Variants in EFHC2 observed in about 807,000 individuals in gnomAD.
EFHC2 encodes the protein EF-hand domain containing 2.
A neutral mutation model predicts 52.7 loss-of-function variants in EFHC2; 18 were observed. That is an observed-to-expected ratio of 0.34 (90% CI 0.24 to 0.51). EFHC2 has a LOEUF of 0.51. EFHC2 is among the 20% of genes least tolerant of loss of function. EFHC2 has a pLI of 0.97. For synonymous variants in EFHC2, 203 were observed against 204.1 expected (o/e 0.99, Z 0.04); for missense variants, 513 against 562.5 (o/e 0.91, Z 0.89).
At chrX:44,267,234 TATA>T (rs1295957425) in intron 3 of EFHC2, among the ~76,000 whole-genome samples, 1 of 112,216 alleles carries the variant, frequency 8.9e-6, no homozygotes, top group East Asian at 2.8e-4. Context: ...CTTGGCTTGA[TATA>T]ATGTTGTTTT....
chrX:44,277,274 A>AG (rs2037667000), intron 2 of EFHC2, among the ~76,000 whole-genome samples: 1 of 107,520 alleles, frequency 9.3e-6, no homozygotes, highest in African/African-American at 3.4e-5. Context: ...AAAAAAAAAA[A>AG]AAAAAAATCT....
chrX:44,153,659 G>A lies in EFHC2; in HGVS notation c.2149-4763C>T, dbSNP rs377132390. On this transcript the variant is annotated intron_variant, in intron 14 of 14. Transcript: ENST00000420999. ...GGGTGAGGGGCATCAATTAAGTAGA[G>A]GGAAAGGCACTTTCTTCATAATTTT... is the stretch of plus-strand genomic sequence containing the variant. 9.0e-5 allele frequency among the ~76,000 whole-genome samples: 10 copies of A among 111,567 alleles called. No homozygotes were observed. In the East Asian group the frequency reaches 2.3e-3, roughly 25 times the overall value.
intron 14 of EFHC2, among the ~76,000 whole-genome samples, chrX:44,158,755 A>T (rs1286829620): frequency 9.0e-6 from 1 of 111,261 alleles, no homozygotes; most frequent in Non-Finnish European, 1.9e-5. Context: ...TCAGTTCCCT[A>T]CCATGAATAG....
chrX:44,198,207 A>T (rs764007800), intron 11 of EFHC2, among the ~76,000 whole-genome samples: 21 of 111,543 alleles, frequency 1.9e-4, no homozygotes, highest in Non-Finnish European at 3.8e-4. Flanking sequence ...TCCTTTTTCC[A>T]CTCTTTAGAA....
intron 11 of EFHC2, among the ~76,000 whole-genome samples, chrX:44,184,580 G>A (rs370252600): frequency 6.3e-5 from 7 of 110,892 alleles, no homozygotes; most frequent in East Asian, 5.7e-4. Context: ...AAAATTAGTC[G>A]GGCATGGTGG....
At chrX:44,165,614 A>C (rs1299538879) in intron 13 of EFHC2, among the ~76,000 whole-genome samples, 1 of 111,982 alleles carries the variant, frequency 8.9e-6, no homozygotes, top group Non-Finnish European at 1.9e-5. Context: ...GTATTTCCTA[A>C]TATCCTGAGT....
chrX:44,206,290 T>C (rs1320822300), intron 11 of EFHC2, among the ~76,000 whole-genome samples: 1 of 111,846 alleles, frequency 8.9e-6, no homozygotes, highest in East Asian at 2.8e-4. Context: ...TTTCCCCTAA[T>C]AACTGCAACA....
intron 13 of EFHC2, among the ~76,000 whole-genome samples, chrX:44,167,326 G>T (rs1042958697): frequency 1.1e-4 from 12 of 111,911 alleles, no homozygotes; most frequent in African/African-American, 3.9e-4. Context: ...GAGTCCCTAT[G>T]CCTGAATTTG....
chrX:44,190,500 C>T (rs532446934), intron 11 of EFHC2, among the ~76,000 whole-genome samples: 3 of 111,871 alleles, frequency 2.7e-5, no homozygotes, highest in East Asian at 2.8e-4. Context: ...GGTTCAAGGG[C>T]AATCAAGAGT....
At chrX:44,229,874 G>T in intron 10 of EFHC2, 95 bp from the exon 11 acceptor site, 1 of 890,660 alleles carries the variant, frequency 1.1e-6, no homozygotes, top group Non-Finnish European at 1.6e-6. Flanking sequence ...ACTTCACACT[G>T]TGAATATGAA....
intron 11 of EFHC2, among the ~76,000 whole-genome samples, chrX:44,223,069 T>C (rs925706616): frequency 8.9e-6 from 1 of 112,125 alleles, no homozygotes; most frequent in Non-Finnish European, 1.9e-5. Context: ...TTGGGGAAAT[T>C]CCCACGTAAG....
intron 14 of EFHC2, among the ~76,000 whole-genome samples, chrX:44,160,211 G>A (rs1175251890): frequency 9.0e-6 from 1 of 111,704 alleles, no homozygotes; most frequent in Non-Finnish European, 1.9e-5. Flanking sequence ...AGGCAGAGTG[G>A]ATCTTTGGCC....
intron 1 of EFHC2, among the ~76,000 whole-genome samples, chrX:44,336,571 G>T (rs932126618): frequency 5.4e-5 from 6 of 111,576 alleles, no homozygotes; most frequent in African/African-American, 2.0e-4. Context: ...CTACCATATG[G>T]CCAGTTCAAA....
intron 2 of EFHC2, among the ~76,000 whole-genome samples, chrX:44,277,103 C>A: frequency 9.1e-6 from 1 of 109,683 alleles, no homozygotes; most frequent in East Asian, 2.9e-4. Context: ...ACTAAAAATA[C>A]AAAAAATTAG....
chrX:44,192,481 C>G, intron 11 of EFHC2, among the ~76,000 whole-genome samples: 1 of 111,707 alleles, frequency 9.0e-6, no homozygotes, highest in East Asian at 2.8e-4. Context: ...CACATTTTTA[C>G]CAAGGTATAT....
At position 44,263,972 on chromosome X, in the gene EFHC2, A is replaced by C. The variant is rs1342995066; in HGVS notation, c.383-2674T>G. Reference sequence around the variant, plus strand: ...CTTTTAAATAATACTAATCACAATCATCATCATAGCCCTAGGATAAACTTT... The same window carrying C: ...CTTTTAAATAATACTAATCACAATCCTCATCATAGCCCTAGGATAAACTTT... On this transcript the variant is annotated intron_variant, in intron 3 of 14. Transcript: ENST00000420999. 2.6e-4 allele frequency among the ~76,000 whole-genome samples: 29 copies of C among 111,970 alleles called. No individual in the cohort carries two copies. In the Admixed American group the frequency reaches 2.7e-3, roughly 11 times the overall value.
chrX:44,195,787 C>T (rs1033967141), intron 11 of EFHC2, among the ~76,000 whole-genome samples: 11 of 100,337 alleles, frequency 1.1e-4, no homozygotes, highest in African/African-American at 3.8e-4. Context: ...CACTCACCTA[C>T]CAGAGAGTCC....
intron 2 of EFHC2, among the ~76,000 whole-genome samples, chrX:44,282,666 G>A: frequency 2.0e-4 from 5 of 24,617 alleles, no homozygotes; most frequent in Non-Finnish European, 4.0e-4. Flanking sequence ...GGGAGAGGAG[G>A]ACAAAGAAAA....
intron 2 of EFHC2, among the ~76,000 whole-genome samples, chrX:44,282,643 GGGGTGGGGGGGT>G (rs2037713571): frequency 5.3e-5 from 1 of 18,948 alleles, no homozygotes; most frequent in Non-Finnish European, 9.9e-5. Flanking sequence ...GGGGTGGGGG[GGGGTGGGGGGGT>G]GGGAGAGGAG....
Sources: gnomAD v4.1 joint callset for allele counts (sites outside exome capture counted in the v4.1 genomes callset) on GRCh38, gnomAD v4.1.1 for gene constraint, MANE v1.5 for transcripts, NCBI Gene and HGNC (gene_info 2026-07-23, HGNC 2026-07-21) for gene names.